Variants in C5 observed in about 807,000 individuals in gnomAD.
C5 encodes the protein C3 and PZP-like alpha-2-macroglobulin domain-containing protein 4.
In C5, 140 loss-of-function variants were observed where a neutral mutation model predicts 218.8. That is an observed-to-expected ratio of 0.64 (90% confidence interval 0.56 to 0.74). The LOEUF is 0.74. Ranked by LOEUF, C5 falls within the 30% of genes least tolerant of loss-of-function variation. The probability of loss-of-function intolerance (pLI) is 0.00; values close to 1 mark genes in which losing one functional copy is unlikely to be tolerated. For synonymous variants in C5, 614 were observed against 682.3 expected, an observed-to-expected ratio of 0.90 and a Z score of 1.56; for missense variants, 1,700 against 1,969.6, an observed-to-expected ratio of 0.86 and a Z score of 2.59.
At chr9:120,953,468 A>T (rs1308831283) in intron 40 of C5, among the ~76,000 whole-genome samples, 1 of 152,176 alleles carries the variant, frequency 6.6e-6, no homozygotes, top group African/African-American at 2.4e-5. Context: ...CTATCAAGGG[A>T]GCTGGTGTGG....
intron 4 of C5, 117 bp from the exon 5 acceptor site, chr9:121,035,011 C>T: frequency 1.6e-6 from 1 of 610,316 alleles, no homozygotes; most frequent in Non-Finnish European, 2.9e-6. Flanking sequence ...AGACAAATAC[C>T]CATGTCTTCA....
At chr9:121,006,131 T>C in intron 19 of C5, 73 bp from the exon 20 acceptor site, 2 of 1,502,980 alleles carry the variant, frequency 1.3e-6, no homozygotes, top group Non-Finnish European at 1.8e-6. Context: ...TATTAAAATT[T>C]CTCACATTTG....
chr9:120,989,709 TG>T lies in C5; in HGVS notation c.3012del (p.Ser1007ValfsTer6). The T allele has an allele frequency of 1.9e-6, 3 of 1,614,102 alleles. No individual in the cohort carries two copies. Among genetic ancestry groups the T allele is most frequent in the Non-Finnish European group, 2.5e-6 (3 of 1,179,970 alleles). On this transcript the variant is annotated frameshift_variant, in exon 24 of 41. Coordinates refer to ENST00000223642, the MANE Select transcript of C5 (RefSeq NM_001735.3). LOFTEE classifies it high-confidence loss of function. ...QEGINILTHL[P>X]KGSAEAELMS... is the part of the protein sequence containing the mutation. ...ATCAGCTCCGCCTCTGCACTCCCTTTGGGGAGGTGGGTTAGGATATTGATGC... is the reference window on the plus strand; with the variant it reads ...ATCAGCTCCGCCTCTGCACTCCCTTTGGGAGGTGGGTTAGGATATTGATGC...
upstream of C5, among the ~76,000 whole-genome samples, chr9:121,052,453 G>GAAAAA (rs1192286050): frequency 1.6e-5 from 1 of 63,250 alleles, no homozygotes; most frequent in Non-Finnish European, 3.1e-5. Flanking sequence ...CTCCATCTCA[G>GAAAAA]AAAAAAAAAA....
chr9:121,019,929 T>C, intron 12 of C5, 47 bp downstream of exon 12: 1 of 1,237,480 alleles, frequency 8.1e-7, no homozygotes, highest in South Asian at 1.2e-5. Flanking sequence ...CAAAGGAAAA[T>C]GTTCCAGGTG....
chr9:121,020,850 C>T (rs2047358997), intron 11 of C5, among the ~76,000 whole-genome samples: 4 of 152,142 alleles, frequency 2.6e-5, no homozygotes, highest in South Asian at 2.1e-4. Context: ...CACACAATGG[C>T]AAAGATAATA....
the C5 span, among the ~76,000 whole-genome samples, chr9:121,062,831 G>T: frequency 6.6e-6 from 1 of 152,098 alleles, no homozygotes; most frequent in African/African-American, 2.4e-5. Context: ...TGAGAAATCA[G>T]CTGTTAATTT....
intron 20 of C5, among the ~76,000 whole-genome samples, chr9:121,002,315 T>TATAC (rs1333337464): frequency 2.4e-5 from 2 of 82,856 alleles, no homozygotes; most frequent in East Asian, 9.3e-4. Flanking sequence ...TATATGTGTG[T>TATAC]GTATATATAT....
At chr9:120,962,854 A>G in intron 35 of C5, 39 bp downstream of exon 35, 1 of 1,602,682 alleles carries the variant, frequency 6.2e-7, no homozygotes, top group South Asian at 1.1e-5. Flanking sequence ...TATTTTGAAT[A>G]GTAATAGTAA....
chr9:120,969,500 G>GCT (rs2046894588), intron 32 of C5, among the ~76,000 whole-genome samples: 2 of 152,118 alleles, frequency 1.3e-5, no homozygotes, highest in South Asian at 4.1e-4. Flanking sequence ...AAAATATCAG[G>GCT]GCAGAGGCAG....
chr9:121,074,864 G>T, the C5 span: 2 of 456,180 alleles, frequency 4.4e-6, no homozygotes, highest in African/African-American at 4.0e-5. Context: ...AAAAGAGGCG[G>T]GAAACGCCTC....
chr9:121,013,754 A>C, intron 17 of C5, 119 bp downstream of exon 17: 1 of 949,362 alleles, frequency 1.1e-6, no homozygotes, highest in South Asian at 1.4e-5. Flanking sequence ...GGACATTTAC[A>C]AGTTATCTTT....
chr9:121,039,674 A>T (rs1024768072), intron 3 of C5, among the ~76,000 whole-genome samples: 6 of 152,252 alleles, frequency 3.9e-5, no homozygotes, highest in African/African-American at 1.2e-4. Flanking sequence ...TTATTAATTT[A>T]AAAAAAGTTT....
chr9:120,979,389 A>T (rs2046975406), intron 28 of C5, among the ~76,000 whole-genome samples: 1 of 152,234 alleles, frequency 6.6e-6, no homozygotes, highest in Non-Finnish European at 1.5e-5. Flanking sequence ...ATTTTTCTTC[A>T]TATCAGCCAT....
At chr9:121,026,878 A>G (rs909740635) in intron 8 of C5, among the ~76,000 whole-genome samples, 1 of 152,038 alleles carries the variant, frequency 6.6e-6, no homozygotes, top group African/African-American at 2.4e-5. Context: ...AATAAATGAT[A>G]TTGTAAAGAC....
intron 17 of C5, 71 bp downstream of exon 17, chr9:121,013,800 CTT>C: frequency 7.7e-7 from 1 of 1,293,876 alleles, no homozygotes; most frequent in South Asian, 1.2e-5. Context: ...TGAAAACTGC[CTT>C]TCTTAGCAGC....
chr9:120,970,847 T>A (rs989212256), intron 31 of C5, among the ~76,000 whole-genome samples: 6 of 152,192 alleles, frequency 3.9e-5, no homozygotes, highest in Non-Finnish European at 8.8e-5. Context: ...AATTTAAGAA[T>A]GCATGAAAAT....
At chr9:120,960,741 C>A (rs960117885) in intron 37 of C5, among the ~76,000 whole-genome samples, 1 of 152,182 alleles carries the variant, frequency 6.6e-6, no homozygotes, top group African/African-American at 2.4e-5. Context: ...ATTCTTCTTC[C>A]AATGTGGCCC....
intron 17 of C5, among the ~76,000 whole-genome samples, chr9:121,013,096 G>T (rs1484705574): frequency 6.6e-6 from 1 of 152,094 alleles, no homozygotes; most frequent in Non-Finnish European, 1.5e-5. Context: ...GAGGTGGACG[G>T]ATCACCTGAG....
Sources: gnomAD v4.1 joint callset for allele counts (sites outside exome capture counted in the v4.1 genomes callset) on GRCh38, gnomAD v4.1.1 for gene constraint, MANE v1.5 for transcripts, NCBI Gene and HGNC (gene_info 2026-07-23, HGNC 2026-07-21) for gene names.